The following TENM4 variants were observed in gnomAD, a reference collection of about 807,000 sequenced individuals.
The protein encoded by TENM4 is teneurin-4.
TENM4 carries 82 observed loss-of-function variants against 243.3 expected under a neutral mutation model. That is an observed-to-expected ratio of 0.34 (90% CI 0.28 to 0.40). The LOEUF is 0.40. Among genes scored for constraint, TENM4 ranks in the 10% least tolerant of loss-of-function variants. The pLI is 1.00. For synonymous variants in TENM4, 1,412 were observed against 1,456.3 expected (o/e 0.97, Z 0.69); for missense variants, 3,138 against 3,673.3 (o/e 0.85, Z 3.77).
chr11:78,907,469 G>T (rs1198406652), intron 6 of TENM4, among the ~76,000 whole-genome samples: 2 of 152,146 alleles, frequency 1.3e-5, no homozygotes, highest in Admixed American at 1.3e-4. Context: ...GCCTAAGAGA[G>T]AACTCTCTTA....
At position 79,357,069 on chromosome 11, in the gene TENM4, C is replaced by T. The variant is rs1052987402; in HGVS notation, c.-320-59526G>A. Among the ~76,000 whole-genome samples, 78 of 152,262 alleles carry T rather than the reference C, an allele frequency of 5.1e-4. 1 individual carries two copies. Among genetic ancestry groups the T allele is most frequent in the Admixed American group, 5.0e-3 (77 of 15,296 alleles). ...CTCTTCTCTTCTTTCACTCTGCCCC[C>T]AACAAAAGGCTAGGAGACAGAGCAA... On this transcript the variant is annotated intron_variant, in intron 1 of 33. Coordinates refer to ENST00000278550, the MANE Select transcript of TENM4 (RefSeq NM_001098816.3).
At chr11:78,934,102 GA>G (rs1171443462) in intron 6 of TENM4, among the ~76,000 whole-genome samples, 2 of 152,120 alleles carry the variant, frequency 1.3e-5, no homozygotes, top group Non-Finnish European at 2.9e-5. Context: ...TCATCCAGTT[GA>G]CAAAAATAAA....
chr11:79,149,943 A>T (rs1009173141), intron 3 of TENM4, among the ~76,000 whole-genome samples: 5 of 152,174 alleles, frequency 3.3e-5, no homozygotes, highest in Non-Finnish European at 7.4e-5. Flanking sequence ...AAAGTACTTA[A>T]AAGTTTCTAA....
chr11:79,407,720 GT>G (rs1449060384), intron 1 of TENM4, among the ~76,000 whole-genome samples: 1 of 152,158 alleles, frequency 6.6e-6, no homozygotes, highest in Non-Finnish European at 1.5e-5. Context: ...CTCCTTCAAA[GT>G]TCATCTACTA....
chr11:79,342,854 C>T (rs962640474), intron 1 of TENM4, among the ~76,000 whole-genome samples: 2 of 152,214 alleles, frequency 1.3e-5, no homozygotes, highest in Admixed American at 6.5e-5. Flanking sequence ...CAGTTCCCTT[C>T]CCCCTGCCTG....
chr11:79,325,792 C>T (rs1856965847), intron 1 of TENM4, among the ~76,000 whole-genome samples: 1 of 152,164 alleles, frequency 6.6e-6, no homozygotes, highest in South Asian at 2.1e-4. Context: ...ATCATGTCTC[C>T]ACGAGAACAC....
chr11:78,902,230 A>G (rs1409764381), intron 7 of TENM4, among the ~76,000 whole-genome samples: 2 of 152,198 alleles, frequency 1.3e-5, no homozygotes, highest in African/African-American at 2.4e-5. Context: ...CTTATCTCAG[A>G]GTGGTAGGAT....
chr11:78,909,612 G>A (rs560941440), intron 6 of TENM4, among the ~76,000 whole-genome samples: 10 of 152,178 alleles, frequency 6.6e-5, no homozygotes, highest in Admixed American at 1.3e-4. Context: ...ATCGGCATAC[G>A]CCACAGCCCC....
At chr11:78,825,357 T>C (rs1857827576) in intron 12 of TENM4, among the ~76,000 whole-genome samples, 1 of 152,202 alleles carries the variant, frequency 6.6e-6, no homozygotes, top group Non-Finnish European at 1.5e-5. Flanking sequence ...TCAGGAAATA[T>C]TAGTTTACTC....
chr11:78,738,467 T>A lies in TENM4; in HGVS notation c.2860A>T (p.Ser954Cys). 6.2e-7 allele frequency: 1 copy of A among 1,613,868 alleles called. No homozygotes were observed. The highest frequency in any genetic ancestry group is 8.5e-7 in the Non-Finnish European group (1 of 1,179,806). The part of the protein sequence containing the change: ...VNNPLFGYTI[S>C]RQDGSFDLVT... ...GTCTCCTACCTGCCATCTTGCCTGCTGATTGTATATCCAAAGAGAGGGTTA... is the reference window on the plus strand; with the variant it reads ...GTCTCCTACCTGCCATCTTGCCTGCAGATTGTATATCCAAAGAGAGGGTTA... The change falls in exon 20 of 34, where the codon AGC (serine) becomes TGC (cysteine). Residue 954 changes from serine to cysteine, a missense_variant. By Grantham distance (112) the Ser-to-Cys change is moderately radical (BLOSUM62 -1). Coordinates refer to ENST00000278550, the MANE Select transcript of TENM4 (RefSeq NM_001098816.3).
intron 9 of TENM4, among the ~76,000 whole-genome samples, chr11:78,872,225 T>A (rs776222967): frequency 5.3e-5 from 8 of 152,218 alleles, no homozygotes; most frequent in Non-Finnish European, 1.0e-4. Context: ...TTCCATTTCA[T>A]CCTGATCAGG....
chr11:79,205,856 A>T (rs1863841039), intron 3 of TENM4, among the ~76,000 whole-genome samples: 1 of 152,242 alleles, frequency 6.6e-6, no homozygotes, highest in Non-Finnish European at 1.5e-5. Context: ...AATTGAAATG[A>T]AGGAAGAGAG....
intron 2 of TENM4, among the ~76,000 whole-genome samples, chr11:79,245,461 C>T (rs1282194878): frequency 6.6e-6 from 1 of 152,154 alleles, no homozygotes; most frequent in Non-Finnish European, 1.5e-5. Context: ...ATCCCTGGCT[C>T]CACTACCTAC....
At chr11:79,265,295 A>T (rs1456711710) in intron 2 of TENM4, among the ~76,000 whole-genome samples, 1 of 152,168 alleles carries the variant, frequency 6.6e-6, no homozygotes, top group Non-Finnish European at 1.5e-5. Flanking sequence ...TTGGTTCTTC[A>T]GTTTCACATT....
At chr11:78,745,562 C>G (rs1033036720) in intron 19 of TENM4, among the ~76,000 whole-genome samples, 3 of 152,096 alleles carry the variant, frequency 2.0e-5, no homozygotes, top group Non-Finnish European at 4.4e-5. Context: ...AGATCTTGAT[C>G]TCCCTCAGAA....
chr11:79,178,404 TAG>T (rs1863212171), intron 3 of TENM4, among the ~76,000 whole-genome samples: 1 of 151,966 alleles, frequency 6.6e-6, no homozygotes, highest in South Asian at 2.1e-4. Context: ...CCAGGGAGTG[TAG>T]AACAGAAAGA....
intron 18 of TENM4, among the ~76,000 whole-genome samples, chr11:78,758,371 GA>G (rs1356777316): frequency 6.6e-6 from 1 of 152,200 alleles, no homozygotes; most frequent in Non-Finnish European, 1.5e-5. Context: ...ATAAAAGCCA[GA>G]AAACTGTAAC....
chr11:78,867,180 T>C (rs536028125), intron 9 of TENM4, among the ~76,000 whole-genome samples: 9 of 152,316 alleles, frequency 5.9e-5, no homozygotes, highest in African/African-American at 2.2e-4. Flanking sequence ...TGTTGTGCTA[T>C]CAAATAGCAC....
At chr11:79,402,366 C>G (rs1858480629) in intron 1 of TENM4, among the ~76,000 whole-genome samples, 1 of 152,230 alleles carries the variant, frequency 6.6e-6, no homozygotes, top group Non-Finnish European at 1.5e-5. Flanking sequence ...CATTTTACAA[C>G]TTATTTTCAT....
Sources: gnomAD v4.1 joint callset for allele counts (sites outside exome capture counted in the v4.1 genomes callset) on GRCh38, gnomAD v4.1.1 for gene constraint, MANE v1.5 for transcripts, NCBI Gene and HGNC (gene_info 2026-07-23, HGNC 2026-07-21) for gene names.